ZMAT4: variants seen among roughly 807,000 people sequenced by gnomAD.
ZMAT4 encodes zinc finger matrin-type protein 4.
A neutral mutation model predicts 28.7 loss-of-function variants in ZMAT4; 17 were observed. The ratio of observed to expected loss-of-function variants is 0.59; its 90% confidence interval spans 0.41 to 0.89. ZMAT4 has a LOEUF of 0.89. ZMAT4 is among the 40% of genes least tolerant of loss of function. The pLI, the probability that ZMAT4 is intolerant of heterozygous loss-of-function variation, is 0.00. For synonymous variants in ZMAT4, 117 were observed against 109.2 expected, an observed-to-expected ratio of 1.07 and a Z score of -0.44; for missense variants, 240 against 283.8, an observed-to-expected ratio of 0.85 and a Z score of 1.11.
chr8:40,760,772 CTT>C (rs907789880), intron 3 of ZMAT4, among the ~76,000 whole-genome samples: 5 of 151,784 alleles, frequency 3.3e-5, no homozygotes, highest in Non-Finnish European at 7.4e-5. Flanking sequence ...GTCTCTCTCT[CTT>C]TCTCTCTCTC....
intron 2 of ZMAT4, among the ~76,000 whole-genome samples, chr8:40,803,069 A>T (rs983458401): frequency 3.9e-5 from 6 of 152,192 alleles, no homozygotes; most frequent in Non-Finnish European, 7.4e-5. Flanking sequence ...CACAAAAAGG[A>T]ACACAAAATG....
At chr8:40,724,020 A>G (rs1355982626) in intron 3 of ZMAT4, among the ~76,000 whole-genome samples, 1 of 152,028 alleles carries the variant, frequency 6.6e-6, no homozygotes. Flanking sequence ...CTCTTCCCCA[A>G]AGATCCAGAT....
intron 2 of ZMAT4, among the ~76,000 whole-genome samples, chr8:40,800,147 A>G (rs1213658910): frequency 1.3e-5 from 2 of 152,236 alleles, no homozygotes; most frequent in Admixed American, 6.5e-5. Flanking sequence ...TCAAGGATAA[A>G]AAGAGGTATT....
chr8:40,586,829 A>G (rs568819336), intron 5 of ZMAT4, among the ~76,000 whole-genome samples: 1 of 152,360 alleles, frequency 6.6e-6, no homozygotes, highest in East Asian at 1.9e-4. Flanking sequence ...TCAGGGAAAA[A>G]GACAAGAAAC....
intron 3 of ZMAT4, among the ~76,000 whole-genome samples, chr8:40,743,614 A>C (rs760738913): frequency 1.3e-5 from 2 of 152,318 alleles, no homozygotes; most frequent in Middle Eastern, 3.4e-3. Flanking sequence ...GACTAATAGA[A>C]TCCCATTGGT....
intron 1 of ZMAT4, among the ~76,000 whole-genome samples, chr8:40,843,618 C>T (rs953687619): frequency 1.3e-5 from 2 of 152,206 alleles, no homozygotes; most frequent in Non-Finnish European, 2.9e-5. Flanking sequence ...GTTCTTAGCA[C>T]TTTTCCAGCC....
At chr8:40,554,654 C>A (rs553715442) in intron 6 of ZMAT4, among the ~76,000 whole-genome samples, 3 of 151,640 alleles carry the variant, frequency 2.0e-5, no homozygotes, top group African/African-American at 7.3e-5. Context: ...TTCTCAAATA[C>A]TTCTTTTCTC....
chr8:40,805,030 A>C (rs1392273281), intron 2 of ZMAT4, among the ~76,000 whole-genome samples: 1 of 151,530 alleles, frequency 6.6e-6, no homozygotes, highest in Admixed American at 6.6e-5. Context: ...AATGGGAGAA[A>C]ATTTTCGCAA....
chr8:40,851,136 G>T (rs936356374), intron 1 of ZMAT4, among the ~76,000 whole-genome samples: 9 of 152,120 alleles, frequency 5.9e-5, no homozygotes, highest in African/African-American at 1.4e-4. Context: ...AGACCAGCCT[G>T]GCCAACATGG....
intron 5 of ZMAT4, among the ~76,000 whole-genome samples, chr8:40,583,720 G>A (rs1390739844): frequency 2.6e-5 from 4 of 152,164 alleles, no homozygotes; most frequent in South Asian, 2.1e-4. Flanking sequence ...AGGGAGCCAC[G>A]AGGCATCAAT....
chr8:40,647,519 A>T (rs1243716419), intron 5 of ZMAT4, among the ~76,000 whole-genome samples: 1 of 151,356 alleles, frequency 6.6e-6, no homozygotes, highest in African/African-American at 2.4e-5. Context: ...ACCATTGCCC[A>T]GGCTTGATTA....
intron 5 of ZMAT4, among the ~76,000 whole-genome samples, chr8:40,644,700 T>C (rs891922971): frequency 6.6e-6 from 1 of 152,262 alleles, no homozygotes; most frequent in African/African-American, 2.4e-5. Context: ...GTGTGCATAA[T>C]GAATTCCTTC....
At chr8:40,659,058 G>T (rs757825249) in intron 5 of ZMAT4, among the ~76,000 whole-genome samples, 2 of 152,096 alleles carry the variant, frequency 1.3e-5, no homozygotes, top group Non-Finnish European at 2.9e-5. Flanking sequence ...ACTTCCATTC[G>T]CATGGTAACC....
intron 5 of ZMAT4, among the ~76,000 whole-genome samples, chr8:40,601,563 GAAGAAAGAAAGA>G (rs1339134333): frequency 5.1e-5 from 6 of 118,476 alleles, no homozygotes; most frequent in African/African-American, 2.0e-4. Context: ...AAGAAAGAAA[GAAGAAAGAAAGA>G]AAGAAAGAAA....
chr8:40,657,007 A>T (rs1807956495), intron 5 of ZMAT4, among the ~76,000 whole-genome samples: 2 of 152,136 alleles, frequency 1.3e-5, no homozygotes, highest in African/African-American at 4.8e-5. Context: ...ATGGTGTGTG[A>T]ATTATGTCTC....
At chr8:40,669,199 A>G (rs1808567349) in intron 5 of ZMAT4, among the ~76,000 whole-genome samples, 1 of 152,104 alleles carries the variant, frequency 6.6e-6, no homozygotes, top group South Asian at 2.1e-4. Flanking sequence ...GATGACGAGG[A>G]AGAAGACATT....
chr8:40,564,182 A>G (rs927801090), intron 6 of ZMAT4, among the ~76,000 whole-genome samples: 2 of 152,232 alleles, frequency 1.3e-5, no homozygotes, highest in Non-Finnish European at 2.9e-5. Context: ...TGGAGAACGC[A>G]AAGAAATCCT....
chr8:40,890,722 G>A (rs1231899962), intron 1 of ZMAT4, among the ~76,000 whole-genome samples: 1 of 152,048 alleles, frequency 6.6e-6, no homozygotes, highest in Non-Finnish European at 1.5e-5. Context: ...CCTACCTGGT[G>A]GGCACCCACA....
intron 3 of ZMAT4, among the ~76,000 whole-genome samples, chr8:40,761,562 G>C (rs1326928285): frequency 6.6e-6 from 1 of 152,126 alleles, no homozygotes; most frequent in African/African-American, 2.4e-5. Flanking sequence ...TTAGAGGCAG[G>C]GCCACACAAA....
Sources: gnomAD v4.1 joint callset for allele counts (sites outside exome capture counted in the v4.1 genomes callset) on GRCh38, gnomAD v4.1.1 for gene constraint, MANE v1.5 for transcripts, NCBI Gene and HGNC (gene_info 2026-07-23, HGNC 2026-07-21) for gene names.